LAMC1: variants seen among roughly 807,000 people sequenced by gnomAD.
LAMC1 encodes laminin subunit gamma 1.
A neutral mutation model predicts 173.6 loss-of-function variants in LAMC1; 38 were observed. The ratio of observed to expected loss-of-function variants is 0.22; its 90% CI spans 0.17 to 0.29. LAMC1 has a LOEUF of 0.29. Ranked by LOEUF, LAMC1 falls within the 10% of genes least tolerant of loss-of-function variation. The pLI is 1.00. For missense variants in LAMC1, 1,824 were observed against 2,051.8 expected, an observed-to-expected ratio of 0.89 and a Z score of 2.14; for synonymous variants, 746 against 749.1, an observed-to-expected ratio of 1.00 and a Z score of 0.07.
At chr1:183,037,512 A>G (rs1274156597) in intron 1 of LAMC1, among the ~76,000 whole-genome samples, 2 of 152,178 alleles carry the variant, frequency 1.3e-5, no homozygotes, top group African/African-American at 4.8e-5. Context: ...CCTTTTGTTA[A>G]TTGATGAATA....
chr1:183,090,542 G>A (rs942794177), intron 1 of LAMC1, among the ~76,000 whole-genome samples: 1 of 152,236 alleles, frequency 6.6e-6, no homozygotes, highest in Non-Finnish European at 1.5e-5. Context: ...GAGAGTGCCA[G>A]CTGGCAGGGT....
intron 1 of LAMC1, among the ~76,000 whole-genome samples, chr1:183,035,965 C>G (rs1238747310): frequency 1.3e-5 from 2 of 152,154 alleles, no homozygotes; most frequent in Non-Finnish European, 2.9e-5. Context: ...ATGTTGTAAT[C>G]CTGTTCCACT....
At chr1:183,108,926 G>C (rs746404548) in intron 3 of LAMC1, among the ~76,000 whole-genome samples, 13 of 152,186 alleles carry the variant, frequency 8.5e-5, no homozygotes, top group Non-Finnish European at 1.8e-4. Context: ...ATCTAAGCTG[G>C]GTCTTGAAAG....
intron 1 of LAMC1, among the ~76,000 whole-genome samples, chr1:183,060,005 G>A (rs1218698501): frequency 6.6e-6 from 1 of 152,116 alleles, no homozygotes; most frequent in Non-Finnish European, 1.5e-5. Flanking sequence ...CCTGAAGTGG[G>A]AAGGGGAGCA....
intron 1 of LAMC1, among the ~76,000 whole-genome samples, chr1:183,073,069 C>T (rs1655050802): frequency 6.6e-6 from 1 of 152,106 alleles, no homozygotes; most frequent in African/African-American, 2.4e-5. Flanking sequence ...TTCCTGGTGC[C>T]AAAAAGGTTG....
At chr1:183,052,024 T>G (rs1654438446) in intron 1 of LAMC1, among the ~76,000 whole-genome samples, 1 of 152,166 alleles carries the variant, frequency 6.6e-6, no homozygotes, top group African/African-American at 2.4e-5. Flanking sequence ...AATCATTCCT[T>G]TCATTGGTTT....
chr1:183,109,507 A>G (rs1484177320), intron 3 of LAMC1, among the ~76,000 whole-genome samples: 4 of 152,236 alleles, frequency 2.6e-5, no homozygotes, highest in Admixed American at 1.3e-4. Context: ...GGTTGGTACC[A>G]TTAACAAAAT....
At chr1:183,050,033 C>A (rs923359149) in intron 1 of LAMC1, among the ~76,000 whole-genome samples, 1 of 152,046 alleles carries the variant, frequency 6.6e-6, no homozygotes, top group African/African-American at 2.4e-5. Flanking sequence ...CTAAAGATGT[C>A]GTTCCCACTC....
At chr1:183,128,813 A>G in intron 18 of LAMC1, 63 bp downstream of exon 18, 1 of 1,298,124 alleles carries the variant, frequency 7.7e-7, no homozygotes, top group Non-Finnish European at 1.0e-6. Flanking sequence ...TGTGGCTCCT[A>G]AAGCAAGGTT....
chr1:183,040,987 T>C (rs1228931605), intron 1 of LAMC1, among the ~76,000 whole-genome samples: 2 of 152,214 alleles, frequency 1.3e-5, no homozygotes, highest in African/African-American at 4.8e-5. Flanking sequence ...AGAATGTTGA[T>C]CTGGTGACCG....
intron 1 of LAMC1, among the ~76,000 whole-genome samples, chr1:183,059,959 A>G (rs573493145): frequency 6.6e-4 from 101 of 152,258 alleles, no homozygotes; most frequent in Admixed American, 1.1e-3. Context: ...AGGGGACATC[A>G]CATGTTCCAT....
At chr1:183,138,096 G>A (rs1656999137) in intron 26 of LAMC1, 1 of 380,994 alleles carries the variant, frequency 2.6e-6, no homozygotes, top group Non-Finnish European at 3.6e-6. Context: ...GACATTAAAA[G>A]TATGTGTTTA....
chr1:183,036,646 T>C (rs10797818), intron 1 of LAMC1, among the ~76,000 whole-genome samples: 76,281 of 151,896 alleles, frequency 0.5, 19,787 homozygotes, highest in South Asian at 0.64. Context: ...CCGCCTCGGC[T>C]TCCCAAAGTG....
chr1:183,092,438 A>G (rs1224963967), intron 1 of LAMC1, among the ~76,000 whole-genome samples: 1 of 152,138 alleles, frequency 6.6e-6, no homozygotes, highest in African/African-American at 2.4e-5. Context: ...GAAAAAAAAA[A>G]AATACAGAGT....
At position 183,142,993 on chromosome 1, in the gene LAMC1, TAA is replaced by T; in HGVS notation, c.*205_*206del. ...ATCGGGAACAAAGGGTTTTATCTAATAAAGTGTCTCTTCCATTCACGTTGCTA... is the reference window on the plus strand; with the variant it reads ...ATCGGGAACAAAGGGTTTTATCTAATAGTGTCTCTTCCATTCACGTTGCTA... On this transcript the variant is annotated 3_prime_UTR_variant, in exon 28 of 28. Transcript: ENST00000258341. 1.8e-6 allele frequency: 1 copy of T among 555,272 alleles called. No homozygotes were observed. Among genetic ancestry groups the T allele is most frequent in the Non-Finnish European group, 3.1e-6 (1 of 319,582 alleles). 34.4% of individuals were successfully genotyped at this position (555,272 alleles called of 1,614,324 possible). A position where few individuals can be genotyped will look rare whatever the true frequency, so the allele number is the denominator to read the frequency against.
intron 4 of LAMC1, among the ~76,000 whole-genome samples, chr1:183,111,221 G>A (rs1391664414): frequency 3.3e-5 from 5 of 151,740 alleles, no homozygotes; most frequent in Admixed American, 1.3e-4. Flanking sequence ...TGAGTAGCTG[G>A]GATTACAGGT....
intron 8 of LAMC1, 160 bp downstream of exon 8, chr1:183,117,063 T>C: frequency 1.3e-6 from 1 of 777,608 alleles, no homozygotes; most frequent in Non-Finnish European, 2.0e-6. Context: ...TTTAATTTAA[T>C]GAAAATGTAC....
Position 183,134,955 on chromosome 1 carries a change from G to A in LAMC1, c.4000-87G>A, listed in dbSNP as rs1196957310. On this transcript the variant is annotated intron_variant, in intron 23 of 27. Transcript: ENST00000258341. ...AGATTTTATGCTGGCAAGTCTCAGG[G>A]TGGCACCTCTGGAGAGCCTTGTCTG... 8.9e-6 allele frequency: 12 copies of A among 1,350,774 alleles called. No individual in the cohort carries two copies. In the Admixed American group the frequency reaches 1.0e-4, roughly 12 times the overall value. The allele number at this position is 1,350,774 out of a possible 1,614,324, so 83.7% of individuals were successfully genotyped here.
Position 183,126,182 on chromosome 1 carries a change from A to G in LAMC1, c.2864A>G (p.Glu955Gly). The G allele has an allele frequency of 6.2e-7, 1 of 1,614,220 alleles. No homozygotes were observed. Among genetic ancestry groups the G allele is most frequent in the Non-Finnish European group, 8.5e-7 (1 of 1,180,018 alleles). Residue 955 changes from glutamate (E) to glycine (G), a missense_variant, in exon 16 of 28, where the codon GAG becomes GGG. Coordinates refer to ENST00000258341, the MANE Select transcript of LAMC1 (RefSeq NM_002293.4). Reference protein sequence around the residue: ...GQCDIRTGQCECQPGITGQHC... With the variant: ...GQCDIRTGQCGCQPGITGQHC... The stretch of plus-strand genomic sequence containing the variant: ...TGTGACATCCGCACCGGCCAGTGTG[A>G]GTGCCAGCCCGGCATCACTGGTCAG...
Sources: gnomAD v4.1 joint callset for allele counts (sites outside exome capture counted in the v4.1 genomes callset) on GRCh38, gnomAD v4.1.1 for gene constraint, MANE v1.5 for transcripts, NCBI Gene and HGNC (gene_info 2026-07-23, HGNC 2026-07-21) for gene names.